Variants in DLG2 observed in about 807,000 individuals in gnomAD.
DLG2 encodes the protein disks large homolog 2.
DLG2 carries 45 observed loss-of-function variants against 132.5 expected under a neutral mutation model. The observed-to-expected ratio is 0.34, with a 90% CI of 0.27 to 0.44. The LOEUF is 0.44. DLG2 is among the 20% of genes least tolerant of loss of function. The probability of loss-of-function intolerance (pLI) is 1.00; values close to 1 mark genes in which losing one functional copy is unlikely to be tolerated. For synonymous variants in DLG2, 424 were observed against 419.6 expected, an observed-to-expected ratio of 1.01 and a Z score of -0.13; for missense variants, 1,045 against 1,196.9, an observed-to-expected ratio of 0.87 and a Z score of 1.87.
At chr11:85,524,103 G>C (rs1195492032) in intron 3 of DLG2, among the ~76,000 whole-genome samples, 1 of 152,062 alleles carries the variant, frequency 6.6e-6, no homozygotes, top group East Asian at 1.9e-4. Context: ...GTGAAGTGTT[G>C]GGAGGGATTA....
chr11:83,964,680 A>AGGAGAACAT (rs1342583054), intron 13 of DLG2, among the ~76,000 whole-genome samples: 1 of 152,000 alleles, frequency 6.6e-6, no homozygotes, highest in Non-Finnish European at 1.5e-5. Context: ...TATTAAGAAG[A>AGGAGAACAT]GGAGAACATA....
chr11:85,278,459 G>T (rs182620236), intron 4 of DLG2, among the ~76,000 whole-genome samples: 1 of 152,116 alleles, frequency 6.6e-6, no homozygotes, highest in Admixed American at 6.6e-5. Flanking sequence ...AATTAGCTGG[G>T]CATGGTAGTG....
chr11:85,130,374 G>A (rs1273379597), intron 5 of DLG2, among the ~76,000 whole-genome samples: 1 of 152,098 alleles, frequency 6.6e-6, no homozygotes, highest in South Asian at 2.1e-4. Flanking sequence ...TGTCCAGTAG[G>A]GGAAAATGGC....
At chr11:83,596,031 G>A (rs1289898879) in intron 19 of DLG2, among the ~76,000 whole-genome samples, 1 of 152,100 alleles carries the variant, frequency 6.6e-6, no homozygotes, top group Non-Finnish European at 1.5e-5. Context: ...AACATGATCT[G>A]AACATAAAAG....
At chr11:83,582,946 T>A (rs1167278404) in intron 19 of DLG2, among the ~76,000 whole-genome samples, 1 of 152,054 alleles carries the variant, frequency 6.6e-6, no homozygotes, top group African/African-American at 2.4e-5. Context: ...GAGGAAGAAA[T>A]GAAGATTCAA....
chr11:85,254,739 G>A (rs553623755), intron 4 of DLG2, among the ~76,000 whole-genome samples: 19 of 152,218 alleles, frequency 1.2e-4, no homozygotes, highest in South Asian at 4.2e-4. Context: ...GGTGGCTCAC[G>A]CCTGTAATCC....
At chr11:83,513,781 A>G (rs2095165428) in intron 21 of DLG2, among the ~76,000 whole-genome samples, 1 of 152,240 alleles carries the variant, frequency 6.6e-6, no homozygotes, top group African/African-American at 2.4e-5. Context: ...TTTATTAAAT[A>G]GGGAATCCTT....
At chr11:85,087,965 AG>A (rs1231620451) in intron 6 of DLG2, among the ~76,000 whole-genome samples, 1 of 152,076 alleles carries the variant, frequency 6.6e-6, no homozygotes, top group Non-Finnish European at 1.5e-5. Flanking sequence ...GAAAGGAAAA[AG>A]GGCAAGATTA....
intron 7 of DLG2, among the ~76,000 whole-genome samples, chr11:84,417,102 A>G (rs2098932288): frequency 6.6e-6 from 1 of 152,230 alleles, no homozygotes; most frequent in Admixed American, 6.5e-5. Flanking sequence ...AGACAGCAAC[A>G]TAGTGTCCAG....
chr11:85,071,371 T>C (rs111835250), intron 6 of DLG2, among the ~76,000 whole-genome samples: 1 of 151,770 alleles, frequency 6.6e-6, no homozygotes, highest in Admixed American at 6.6e-5. Context: ...GACCTAAAAG[T>C]AAAGCAGATT....
At chr11:83,725,174 T>G in intron 18 of DLG2, 1 of 402,466 alleles carries the variant, frequency 2.5e-6, no homozygotes. Context: ...ACTCACCTCT[T>G]TTTCTTTCTC....
chr11:83,989,706 C>T (rs2093594827), intron 11 of DLG2, among the ~76,000 whole-genome samples: 1 of 152,066 alleles, frequency 6.6e-6, no homozygotes, highest in South Asian at 2.1e-4. Flanking sequence ...CTAATAAAGT[C>T]CCACTTTACT....
chr11:83,482,015 G>A (rs1160315546), intron 22 of DLG2, among the ~76,000 whole-genome samples: 1 of 151,816 alleles, frequency 6.6e-6, no homozygotes, highest in East Asian at 1.9e-4. Flanking sequence ...AATTCTCTCT[G>A]GTGGTGCTTG....
chr11:84,421,660 C>T (rs1284674714), intron 7 of DLG2, among the ~76,000 whole-genome samples: 2 of 152,176 alleles, frequency 1.3e-5, no homozygotes, highest in Non-Finnish European at 2.9e-5. Flanking sequence ...TTATTCCATC[C>T]TCCATCAAAT....
chr11:84,879,225 T>A (rs151170574), intron 6 of DLG2, among the ~76,000 whole-genome samples: 1 of 152,288 alleles, frequency 6.6e-6, no homozygotes, highest in East Asian at 1.9e-4. Context: ...GCTTCTTTAA[T>A]GACTCCATAA....
At chr11:84,859,421 C>CATACAT (rs1566175184) in intron 6 of DLG2, among the ~76,000 whole-genome samples, 110 of 140,316 alleles carry the variant, frequency 7.8e-4, no homozygotes, top group African/African-American at 2.9e-3. Context: ...TATATGTATA[C>CATACAT]ATATACATAT....
intron 3 of DLG2, among the ~76,000 whole-genome samples, chr11:85,338,778 C>T (rs147109552): frequency 2.0e-5 from 3 of 147,590 alleles, no homozygotes; most frequent in Non-Finnish European, 3.0e-5. Context: ...GATCTCGGCT[C>T]ACTGCAGGCT....
intron 7 of DLG2, among the ~76,000 whole-genome samples, chr11:84,439,046 C>A (rs2099009705): frequency 6.6e-6 from 1 of 152,126 alleles, no homozygotes; most frequent in African/African-American, 2.4e-5. Context: ...GGAGGTAGAA[C>A]AAGACAGTGT....
At chr11:84,672,639 G>T (rs1444596937) in intron 6 of DLG2, among the ~76,000 whole-genome samples, 2 of 152,014 alleles carry the variant, frequency 1.3e-5, no homozygotes, top group African/African-American at 4.8e-5. Flanking sequence ...TTCTAGAAAA[G>T]CGCCTTAAAA....
Sources: allele counts gnomAD v4.1 joint callset (sites outside exome capture counted in the v4.1 genomes callset), GRCh38; gene constraint gnomAD v4.1.1; transcripts MANE v1.5; gene names NCBI Gene and HGNC (gene_info 2026-07-23, HGNC 2026-07-21).